SPATA6: variants seen among roughly 807,000 people sequenced by gnomAD.
SPATA6 encodes spermatogenesis-associated protein 6.
SPATA6 carries 56 observed loss-of-function variants against 65.3 expected under a neutral mutation model. The observed-to-expected ratio is 0.86, with a 90% CI of 0.69 to 1.07. The LOEUF is 1.07. Ranked by LOEUF, SPATA6 falls within the 50% of genes least tolerant of loss-of-function variation. The pLI is 0.00. For missense variants in SPATA6, 590 were observed against 594.8 expected (o/e 0.99, Z 0.08); for synonymous variants, 199 against 213.2 (o/e 0.93, Z 0.58).
At chr1:48,291,136 T>C (rs1644764367), downstream of SPATA6, among the ~76,000 whole-genome samples, 1 of 152,234 alleles carries the variant, frequency 6.6e-6, no homozygotes, top group Admixed American at 6.5e-5. Context: ...ACAGAAATTA[T>C]AACAAACTGT....
intron 8 of SPATA6, 85 bp downstream of exon 8, chr1:48,395,182 C>A: frequency 1.0e-6 from 1 of 999,854 alleles, no homozygotes; most frequent in Non-Finnish European, 1.4e-6. Flanking sequence ...AACAAAGATT[C>A]TGTTTTTGTT....
At chr1:48,337,619 A>C (rs1646095543) in intron 11 of SPATA6, among the ~76,000 whole-genome samples, 1 of 151,878 alleles carries the variant, frequency 6.6e-6, no homozygotes, top group Non-Finnish European at 1.5e-5. Flanking sequence ...AACACTCAAA[A>C]ACTACAATCT....
chr1:48,437,016 G>T, intron 3 of SPATA6: 1 of 1,608,852 alleles, frequency 6.2e-7, no homozygotes, highest in Non-Finnish European at 8.5e-7. Flanking sequence ...AGCTCTGTTT[G>T]CAACAAGATC....
chr1:48,323,268 G>C (rs747387014), intron 11 of SPATA6, among the ~76,000 whole-genome samples: 4 of 152,120 alleles, frequency 2.6e-5, no homozygotes, highest in African/African-American at 9.7e-5. Flanking sequence ...GTCCTTTGCA[G>C]GGACAGGGAT....
At chr1:48,436,950 C>G in intron 3 of SPATA6, 7 of 1,613,104 alleles carry the variant, frequency 4.3e-6, no homozygotes, top group Non-Finnish European at 5.9e-6. Context: ...TAAATAGTGA[C>G]CGATTACACA....
intron 9 of SPATA6, among the ~76,000 whole-genome samples, chr1:48,372,282 G>C (rs963892898): frequency 6.6e-6 from 1 of 152,166 alleles, no homozygotes; most frequent in Non-Finnish European, 1.5e-5. Context: ...GGTAAATACA[G>C]CTGTTCTAAA....
intron 10 of SPATA6, among the ~76,000 whole-genome samples, chr1:48,356,682 A>AT (rs1484909912): frequency 6.6e-6 from 1 of 151,392 alleles, no homozygotes; most frequent in Non-Finnish European, 1.5e-5. Flanking sequence ...TAATTTTTGT[A>AT]TTTTTAGTAG....
intron 11 of SPATA6, among the ~76,000 whole-genome samples, chr1:48,340,061 A>G (rs1646166470): frequency 6.6e-6 from 1 of 151,866 alleles, no homozygotes; most frequent in Admixed American, 6.6e-5. Flanking sequence ...TAAGACTAAC[A>G]ACACACTTCT....
At chr1:48,270,350 T>C in the SPATA6 span, among the ~76,000 whole-genome samples, 1 of 152,130 alleles carries the variant, frequency 6.6e-6, no homozygotes, top group Admixed American at 6.6e-5. Context: ...TAAAGGTAAG[T>C]TCACTTATTT....
At chr1:48,374,443 T>C (rs1054268345) in intron 9 of SPATA6, among the ~76,000 whole-genome samples, 5 of 152,232 alleles carry the variant, frequency 3.3e-5, no homozygotes, top group Non-Finnish European at 5.9e-5. Flanking sequence ...TGAGACCATT[T>C]GCATTCATAT....
downstream of SPATA6, chr1:48,295,278 A>T (rs1644795005): frequency 6.6e-6 from 1 of 152,202 alleles, no homozygotes; most frequent in Admixed American, 6.5e-5. Flanking sequence ...CCACACAAAA[A>T]ACTTGTATAC....
rs12039635 is a variant in SPATA6 at position 48,322,675 on chromosome 1, C to A, written c.1195-16797G>T. 0.02 allele frequency among the ~76,000 whole-genome samples: 2,992 copies of A among 152,248 alleles called. 122 individuals carry two copies. In the East Asian group the frequency reaches 0.2, roughly 10 times the overall value. On this transcript the variant is annotated intron_variant, in intron 11 of 12. Transcript: ENST00000371847. ...AAATTTTTGCAATCTATCCATCTGA[C>A]AAAGGTCTAATATCCAGAATCTACA...
chr1:48,375,381 G>A lies in SPATA6; in HGVS notation c.909+9928C>T, dbSNP rs557327459. 6.9e-4 allele frequency among the ~76,000 whole-genome samples: 105 copies of A among 152,244 alleles called. 1 individual carries two copies. The highest frequency in any genetic ancestry group is 1.3e-3 in the Non-Finnish European group (90 of 67,996). On this transcript the variant is annotated intron_variant, in intron 9 of 12. Transcript: ENST00000371847. ...AAGAAAGTTCCTAGAGAAGTGAACA[G>A]ATAAAAGCCACTAACCCATTTTTGA...
chr1:48,349,983 A>G (rs1646472576), intron 11 of SPATA6, among the ~76,000 whole-genome samples: 1 of 151,906 alleles, frequency 6.6e-6, no homozygotes, highest in Non-Finnish European at 1.5e-5. Context: ...AAGACCTAGG[A>G]GTAGGATTGC....
intron 1 of SPATA6, among the ~76,000 whole-genome samples, chr1:48,471,565 G>C (rs1165608290): frequency 6.6e-6 from 1 of 152,142 alleles, no homozygotes; most frequent in Non-Finnish European, 1.5e-5. Flanking sequence ...CCCACCCCCA[G>C]ACTTGGGAAA....
chr1:48,317,120 T>C (rs906135385), intron 11 of SPATA6, among the ~76,000 whole-genome samples: 1 of 152,184 alleles, frequency 6.6e-6, no homozygotes, highest in African/African-American at 2.4e-5. Context: ...GTCAGTGTGG[T>C]GATTCCTCAG....
chr1:48,427,911 T>C (rs1476563691), intron 3 of SPATA6, among the ~76,000 whole-genome samples: 1 of 152,168 alleles, frequency 6.6e-6, no homozygotes, highest in Non-Finnish European at 1.5e-5. Context: ...TCTCCAGTGT[T>C]TATTGTTCCC....
intron 8 of SPATA6, 75 bp from the exon 9 acceptor site, chr1:48,385,424 T>TAGAA: frequency 1.6e-6 from 2 of 1,284,156 alleles, no homozygotes; most frequent in South Asian, 1.4e-5. Flanking sequence ...TCATTGTTTC[T>TAGAA]ACAATTATAA....
chr1:48,395,500 A>C (rs1650504385), intron 7 of SPATA6, 146 bp from the exon 8 acceptor site: 1 of 436,156 alleles, frequency 2.3e-6, no homozygotes, highest in Non-Finnish European at 3.8e-6. Flanking sequence ...ACATGTTCCA[A>C]AGAGTTTATT....
Sources: allele counts gnomAD v4.1 joint callset (sites outside exome capture counted in the v4.1 genomes callset), GRCh38; gene constraint gnomAD v4.1.1; transcripts MANE v1.5; gene names NCBI Gene and HGNC (gene_info 2026-07-23, HGNC 2026-07-21).